The following G3BP2 variants were observed in gnomAD, a reference collection of about 807,000 sequenced individuals.
The protein encoded by G3BP2 is G3BP stress granule assembly factor 2.
A neutral mutation model predicts 56.7 loss-of-function variants in G3BP2; 11 were observed. The ratio of observed to expected loss-of-function variants is 0.19; its 90% confidence interval spans 0.12 to 0.32. G3BP2 has a LOEUF of 0.32. G3BP2 is among the 10% of genes least tolerant of loss of function. The probability of loss-of-function intolerance (pLI) is 1.00; values close to 1 mark genes in which losing one functional copy is unlikely to be tolerated. For missense variants in G3BP2, 340 were observed against 610.9 expected (o/e 0.56, Z 4.67); for synonymous variants, 165 against 191.6 (o/e 0.86, Z 1.15).
chr4:75,680,838 T>C lies in G3BP2; in HGVS notation c.-24-18789A>G, dbSNP rs566190956. Among the ~76,000 whole-genome samples, 211 of 151,652 alleles carry C rather than the reference T, an allele frequency of 1.4e-3. 1 individual carries two copies. The highest frequency in any genetic ancestry group is 1.2e-3 in the Non-Finnish European group (79 of 67,900). ...AAATTAGCTGGGTGTGGTGGTGGCATGTGCCTGTAGTCCCAGCTACTCGGG... is the reference window on the plus strand; with the variant it reads ...AAATTAGCTGGGTGTGGTGGTGGCACGTGCCTGTAGTCCCAGCTACTCGGG... On this transcript the variant is annotated intron_variant, in intron 3 of 3. Transcript: ENST00000499709.
intron 3 of G3BP2, among the ~76,000 whole-genome samples, chr4:75,715,992 A>G (rs1719913052): frequency 6.6e-6 from 1 of 152,138 alleles, no homozygotes; most frequent in Non-Finnish European, 1.5e-5. Context: ...TACAGACCTT[A>G]GATTCTGAGC....
chr4:75,665,717 T>TG (rs1732986781), intron 1 of G3BP2, among the ~76,000 whole-genome samples: 1 of 151,276 alleles, frequency 6.6e-6, no homozygotes, highest in East Asian at 1.9e-4. Context: ...TTTTGAATAA[T>TG]GAGGGTGGGT....
At chr4:75,667,502 C>G (rs1733148278) in intron 1 of G3BP2, among the ~76,000 whole-genome samples, 1 of 152,176 alleles carries the variant, frequency 6.6e-6, no homozygotes, top group African/African-American at 2.4e-5. Flanking sequence ...GAATCTCACA[C>G]AGGAATGCAC....
chr4:75,692,397 C>T lies in G3BP2; in HGVS notation c.-25+28480G>A, dbSNP rs140639279. On this transcript the variant is annotated intron_variant, in intron 3 of 3. Transcript: ENST00000499709. ...TGTGATCTTGTCTCACTGCAACTTC[C>T]GCCTCCCAGGTTCAAGCAATTCTCC... 1.2e-3 allele frequency among the ~76,000 whole-genome samples: 188 copies of T among 152,112 alleles called. 1 individual carries two copies. Among genetic ancestry groups the T allele is most frequent in the South Asian group, 3.3e-3 (16 of 4,810 alleles).
At position 75,643,479 on chromosome 4, in the gene G3BP2, GA is replaced by G. The variant is rs71695077; in HGVS notation, c.*1950del. The G allele has an allele frequency of 3.3e-3, 462 of 138,098 alleles. No individual in the cohort carries two copies. The highest frequency in any genetic ancestry group is 9.5e-3 in the African/African-American group (357 of 37,568). The allele number at this position is 138,098 out of a possible 1,614,324, so 8.6% of individuals were successfully genotyped here. A position where few individuals can be genotyped will look rare whatever the true frequency, so the allele number is the denominator to read the frequency against. Reference sequence around the variant, plus strand: ...AGAAAGTATAAAACTGTTTCAAACAGAAAAAAAAAAAATCCTTAAGCCCCCC... The same window carrying G: ...AGAAAGTATAAAACTGTTTCAAACAGAAAAAAAAAAATCCTTAAGCCCCCC... On this transcript the variant is annotated 3_prime_UTR_variant, in exon 12 of 12. Coordinates refer to ENST00000359707, the MANE Select transcript of G3BP2 (RefSeq NM_203505.3).
intron 3 of G3BP2, among the ~76,000 whole-genome samples, chr4:75,712,334 T>C (rs1397234988): frequency 6.6e-6 from 1 of 152,184 alleles, no homozygotes; most frequent in African/African-American, 2.4e-5. Context: ...TTTTTTACCA[T>C]CATTTTTAAT....
chr4:75,708,747 G>A (rs1181185909), intron 3 of G3BP2, among the ~76,000 whole-genome samples: 2 of 152,156 alleles, frequency 1.3e-5, no homozygotes, highest in Non-Finnish European at 2.9e-5. Flanking sequence ...AAGGCAGGAG[G>A]ATCGCTTGCA....
upstream of G3BP2, among the ~76,000 whole-genome samples, chr4:75,676,959 A>C (rs1033650759): frequency 1.3e-5 from 2 of 152,076 alleles, no homozygotes; most frequent in Admixed American, 1.3e-4. Context: ...CATTCTCATC[A>C]CATTACCACC....
intron 3 of G3BP2, among the ~76,000 whole-genome samples, chr4:75,696,036 C>A (rs1719107045): frequency 6.7e-6 from 1 of 149,420 alleles, no homozygotes; most frequent in South Asian, 2.1e-4. Flanking sequence ...TGAACAGAAT[C>A]CTACAGCTTC....
intron 1 of G3BP2, among the ~76,000 whole-genome samples, chr4:75,722,526 T>G (rs11729258): frequency 0.89 from 135,930 of 152,210 alleles, 60,738 homozygotes; most frequent in African/African-American, 0.93. Flanking sequence ...GTAGAGTGAG[T>G]TTCAGGGACA....
chr4:75,646,489 T>A, intron 10 of G3BP2, 33 bp from the exon 11 acceptor site: 1 of 1,135,984 alleles, frequency 8.8e-7, no homozygotes, highest in Non-Finnish European at 1.3e-6. Context: ...AAGGGTTAAA[T>A]ATTTTTAACA....
In G3BP2 at chr4:75,645,617, C is replaced by G. The variant is rs541924504; in HGVS notation, c.1262G>C (p.Gly421Ala). The G allele has an allele frequency of 2.5e-6, 4 of 1,614,020 alleles. No individual in the cohort carries two copies. The highest frequency in any genetic ancestry group is 3.4e-6 in the Non-Finnish European group (4 of 1,179,960). ...GCGCCTAATATCCCTGCGATCATCACCACCACCTCTGGTTTCTCGCTCTCT... is the reference window on the plus strand; with the variant it reads ...GCGCCTAATATCCCTGCGATCATCAGCACCACCTCTGGTTTCTCGCTCTCT... ...AARERETRGG[G>A]DDRRDIRRND... is the part of the protein sequence containing the mutation. Residue 421 changes from glycine (G) to alanine (A), a missense_variant, in exon 12 of 12, where the codon GGT becomes GCT. Physicochemically the swap from Gly to Ala is moderately conservative, Grantham distance 60 (BLOSUM62 0). Coordinates refer to ENST00000359707, the MANE Select transcript of G3BP2 (RefSeq NM_203505.3).
At chr4:75,694,665 G>A (rs574269755) in intron 3 of G3BP2, 31 of 507,360 alleles carry the variant, frequency 6.1e-5, no homozygotes, top group African/African-American at 5.8e-4. Flanking sequence ...TTGAATCCGC[G>A]AGGCGGCGGT....
At chr4:75,664,412 A>G (rs1319439136) in intron 1 of G3BP2, among the ~76,000 whole-genome samples, 3 of 151,560 alleles carry the variant, frequency 2.0e-5, no homozygotes, top group Non-Finnish European at 2.9e-5. Flanking sequence ...CCCCTTCTCT[A>G]GTAAAATACA....
At chr4:75,648,145 C>T (rs1731371603) in intron 9 of G3BP2, among the ~76,000 whole-genome samples, 1 of 151,882 alleles carries the variant, frequency 6.6e-6, no homozygotes, top group Non-Finnish European at 1.5e-5. Context: ...GTCAGCAGAT[C>T]GAGACCATCT....
chr4:75,678,624 G>C (rs759554142), intron 3 of G3BP2, among the ~76,000 whole-genome samples: 12 of 152,088 alleles, frequency 7.9e-5, no homozygotes, highest in Admixed American at 5.2e-4. Flanking sequence ...AGTTCAGCCT[G>C]GGCAATATAG....
At chr4:75,646,066 C>T (rs573125161) in intron 11 of G3BP2, among the ~76,000 whole-genome samples, 1 of 152,286 alleles carries the variant, frequency 6.6e-6, no homozygotes, top group Non-Finnish European at 1.5e-5. Flanking sequence ...GCCTTAACTT[C>T]CCAAAGTGCT....
upstream of G3BP2, chr4:75,673,419 C>T (rs1471518671): frequency 8.1e-7 from 1 of 1,232,276 alleles, no homozygotes; most frequent in Non-Finnish European, 1.0e-6. Context: ...ACGTCCCGCC[C>T]CCTTTGCCAC....
chr4:75,686,584 G>T (rs1414677407), intron 3 of G3BP2, among the ~76,000 whole-genome samples: 4 of 131,728 alleles, frequency 3.0e-5, no homozygotes, highest in Non-Finnish European at 4.9e-5. Context: ...GGGTGGGGGG[G>T]CGGGTGGCAC....
Sources: allele counts gnomAD v4.1 joint callset (sites outside exome capture counted in the v4.1 genomes callset), GRCh38; gene constraint gnomAD v4.1.1; transcripts MANE v1.5; gene names NCBI Gene and HGNC (gene_info 2026-07-23, HGNC 2026-07-21).